Variants in CNTNAP4 observed in about 807,000 individuals in gnomAD.
CNTNAP4 encodes the protein contactin associated protein family member 4.
In CNTNAP4, 98 loss-of-function variants were observed where a neutral mutation model predicts 148.4. The ratio of observed to expected loss-of-function variants is 0.66; its 90% CI spans 0.56 to 0.78. The LOEUF is 0.78. Ranked by LOEUF, CNTNAP4 falls within the 30% of genes least tolerant of loss-of-function variation. CNTNAP4 has a pLI of 0.00. For synonymous variants in CNTNAP4, 730 were observed against 565.1 expected, an observed-to-expected ratio of 1.29 and a Z score of -4.14; for missense variants, 1,935 against 1,565.6, an observed-to-expected ratio of 1.24 and a Z score of -3.98.
At chr16:76,277,788 C>G (rs1357449566) in intron 1 of CNTNAP4, 41 bp downstream of exon 1, 3 of 1,212,646 alleles carry the variant, frequency 2.5e-6, no homozygotes, top group Non-Finnish European at 3.6e-6. Context: ...CTGGGGGGCT[C>G]TCTGCAAAAC....
chr16:76,547,787 G>T (rs901395280), intron 21 of CNTNAP4, among the ~76,000 whole-genome samples: 2 of 152,242 alleles, frequency 1.3e-5, no homozygotes, highest in African/African-American at 4.8e-5. Flanking sequence ...GGTTTCTGCA[G>T]TGGCAATTTA....
At chr16:76,353,401 G>C (rs1338728045) in intron 2 of CNTNAP4, among the ~76,000 whole-genome samples, 1 of 152,164 alleles carries the variant, frequency 6.6e-6, no homozygotes, top group Non-Finnish European at 1.5e-5. Flanking sequence ...TGTGCAGTTT[G>C]TTGTAATGCA....
At chr16:76,460,773 A>AAAAAAAAAAT in intron 8 of CNTNAP4, among the ~76,000 whole-genome samples, 11 of 57,326 alleles carry the variant, frequency 1.9e-4, no homozygotes, top group African/African-American at 7.1e-4. Context: ...AAAAAAAAAA[A>AAAAAAAAAAT]ATATATATAT....
intron 2 of CNTNAP4, among the ~76,000 whole-genome samples, chr16:76,353,554 G>A (rs2012142953): frequency 6.6e-6 from 1 of 151,992 alleles, no homozygotes; most frequent in Non-Finnish European, 1.5e-5. Flanking sequence ...ATCATTGCTG[G>A]GACAGGTACC....
intron 3 of CNTNAP4, among the ~76,000 whole-genome samples, chr16:76,401,676 G>T (rs373961616): frequency 1.3e-5 from 2 of 152,112 alleles, no homozygotes; most frequent in South Asian, 2.1e-4. Context: ...TGTTGTCTGT[G>T]GGTTTGCCAT....
intron 1 of CNTNAP4, among the ~76,000 whole-genome samples, chr16:76,288,210 G>T (rs975687907): frequency 1.3e-5 from 2 of 152,032 alleles, no homozygotes; most frequent in African/African-American, 2.4e-5. Flanking sequence ...TCTCTTGCCT[G>T]CCACCATGTA....
At chr16:76,329,907 T>C (rs1407399387) in intron 2 of CNTNAP4, among the ~76,000 whole-genome samples, 1 of 152,070 alleles carries the variant, frequency 6.6e-6, no homozygotes, top group African/African-American at 2.4e-5. Context: ...TTTATGTGGG[T>C]TTTTCCAAAG....
intron 3 of CNTNAP4, among the ~76,000 whole-genome samples, chr16:76,414,022 C>A (rs1330771806): frequency 1.3e-5 from 2 of 151,210 alleles, no homozygotes; most frequent in South Asian, 2.1e-4. Context: ...TTATTTCTTC[C>A]TTTCCAATCC....
intron 3 of CNTNAP4, among the ~76,000 whole-genome samples, chr16:76,376,568 C>T (rs764274842): frequency 1.1e-4 from 17 of 152,172 alleles, no homozygotes; most frequent in South Asian, 2.1e-4. Context: ...ATGGTACCTC[C>T]TTGGAAAAGT....
chr16:76,453,818 T>G lies in CNTNAP4; in HGVS notation c.1333+1049T>G, dbSNP rs1009285636. Reference sequence around the variant, plus strand: ...AAATACGGAACCGAGAATTCGATATTAGTTATAATTTTTAAAGAGATACTA... The same window carrying G: ...AAATACGGAACCGAGAATTCGATATGAGTTATAATTTTTAAAGAGATACTA... On this transcript the variant is annotated intron_variant, in intron 8 of 23. Coordinates refer to ENST00000611870, the MANE Select transcript of CNTNAP4 (RefSeq NM_033401.5). 5.9e-5 allele frequency among the ~76,000 whole-genome samples: 9 copies of G among 152,174 alleles called. No homozygotes were observed. The South Asian group carries it at 1.7e-3, about 28-fold the overall frequency.
rs1030919004 is a variant in CNTNAP4, at chr16:76,510,028, T to C, written c.2366-11112T>C. ...AAGTGTACAGTTCAATCAATTTTAG[T>C]ATATTTAATCATTTTAATGTACTAT... On this transcript the variant is annotated intron_variant, in intron 15 of 23. Transcript: ENST00000611870. Among the ~76,000 whole-genome samples the C allele has an allele frequency of 1.8e-4, 10 of 54,726 alleles. 4 individuals carry two copies. Among genetic ancestry groups the C allele is most frequent in the Non-Finnish European group, 6.7e-4 (9 of 13,450 alleles). The allele number at this position is 54,726 out of a possible 152,430, so 35.9% of individuals were successfully genotyped here.
chr16:76,322,322 A>C (rs533784028), intron 2 of CNTNAP4, among the ~76,000 whole-genome samples: 158 of 152,286 alleles, frequency 1.0e-3, no homozygotes, highest in African/African-American at 3.7e-3. Flanking sequence ...TGGGGGTGCT[A>C]ATATGGCTGA....
chr16:76,401,822 C>G lies in CNTNAP4; in HGVS notation c.391-25630C>G, dbSNP rs80124910. On this transcript the variant is annotated intron_variant, in intron 3 of 23. Transcript: ENST00000611870. ...AATCATGTGATTTTTGTCTTTAGTTCTGTTTATGCGATGAATCACACTTAT... is the reference window on the plus strand; with the variant it reads ...AATCATGTGATTTTTGTCTTTAGTTGTGTTTATGCGATGAATCACACTTAT... 2.0e-5 allele frequency among the ~76,000 whole-genome samples: 3 copies of G among 152,198 alleles called. No individual in the cohort carries two copies. The East Asian group carries it at 5.8e-4, about 29-fold the overall frequency.
At chr16:76,344,265 A>G (rs1167593613) in intron 2 of CNTNAP4, among the ~76,000 whole-genome samples, 1 of 152,126 alleles carries the variant, frequency 6.6e-6, no homozygotes, top group Non-Finnish European at 1.5e-5. Flanking sequence ...ATGCCCAATG[A>G]ATGTGAAGTG....
At chr16:76,288,194 C>A (rs962944463) in intron 1 of CNTNAP4, among the ~76,000 whole-genome samples, 2 of 152,100 alleles carry the variant, frequency 1.3e-5, no homozygotes, top group Non-Finnish European at 2.9e-5. Flanking sequence ...ACTTGGCTCT[C>A]AGTCTTCTCT....
chr16:76,384,433 A>G (rs775058479), intron 3 of CNTNAP4, among the ~76,000 whole-genome samples: 2 of 152,154 alleles, frequency 1.3e-5, no homozygotes, highest in Admixed American at 6.5e-5. Context: ...ATAAAGGATC[A>G]AGAAGAATGC....
chr16:76,340,851 C>T (rs1237969725), intron 2 of CNTNAP4, among the ~76,000 whole-genome samples: 1 of 152,184 alleles, frequency 6.6e-6, no homozygotes, highest in African/African-American at 2.4e-5. Flanking sequence ...GATATGTCTG[C>T]ACTGCCAATC....
chr16:76,369,694 T>G (rs963637780), intron 3 of CNTNAP4, among the ~76,000 whole-genome samples: 2 of 152,032 alleles, frequency 1.3e-5, no homozygotes, highest in African/African-American at 4.8e-5. Flanking sequence ...ACACAAAAAT[T>G]AACCAGGTGG....
chr16:76,310,077 T>G (rs575592281), intron 1 of CNTNAP4, among the ~76,000 whole-genome samples: 1 of 152,212 alleles, frequency 6.6e-6, no homozygotes, highest in South Asian at 2.1e-4. Context: ...TAGATAGTAG[T>G]TTGGCTTCCT....
Sources: allele counts gnomAD v4.1 joint callset (sites outside exome capture counted in the v4.1 genomes callset), GRCh38; gene constraint gnomAD v4.1.1; transcripts MANE v1.5; gene names NCBI Gene and HGNC (gene_info 2026-07-23, HGNC 2026-07-21).